The following TLE1 variants were observed in gnomAD, a reference collection of about 807,000 sequenced individuals.
TLE1 encodes TLE family member 1, transcriptional corepressor, also known as transducin-like enhancer protein 1.
Under a neutral mutation model 89.8 loss-of-function variants are expected in TLE1, and 21 were observed. The ratio of observed to expected loss-of-function variants is 0.23; its 90% CI spans 0.17 to 0.34. TLE1 has a LOEUF of 0.34. TLE1 is among the 10% of genes least tolerant of loss of function. The probability of loss-of-function intolerance (pLI) is 1.00; values close to 1 mark genes in which losing one functional copy is unlikely to be tolerated. For synonymous variants in TLE1, 447 were observed against 407.6 expected, an observed-to-expected ratio of 1.10 and a Z score of -1.16; for missense variants, 795 against 1,031.2, an observed-to-expected ratio of 0.77 and a Z score of 3.14.
intron 13 of TLE1, 115 bp downstream of exon 13, chr9:81,611,653 TG>T: frequency 9.6e-7 from 1 of 1,039,754 alleles, no homozygotes; most frequent in Non-Finnish European, 1.3e-6. Flanking sequence ...CCGAGGTGTG[TG>T]GGGCTGGCTG....
chr9:81,620,589 T>G lies in TLE1; in HGVS notation c.595-32A>C, dbSNP rs111873502. ...GACAAAAAAATTAATCAAAGATTTC[T>G]TCCCAAGCCTCTTTGTACACATGAA... On this transcript the variant is annotated intron_variant, in intron 8 of 19. Coordinates refer to ENST00000376499, the MANE Select transcript of TLE1 (RefSeq NM_005077.5). 60 of 1,601,308 alleles carry G rather than the reference T, an allele frequency of 3.7e-5. 1 individual carries two copies. In the African/African-American group the frequency reaches 6.5e-4, roughly 17 times the overall value.
chr9:81,679,870 TTAA>T (rs1358453480), intron 4 of TLE1, among the ~76,000 whole-genome samples: 10 of 152,264 alleles, frequency 6.6e-5, no homozygotes, highest in Non-Finnish European at 1.0e-4. Flanking sequence ...CACAAAAGGT[TTAA>T]TAATAAAACA....
chr9:81,668,167 CGA>C (rs1831735971), intron 4 of TLE1, among the ~76,000 whole-genome samples: 1 of 38,376 alleles, frequency 2.6e-5, no homozygotes, highest in Non-Finnish European at 4.2e-5. Flanking sequence ...GACTGCATCT[CGA>C]AAAAAAAAAA....
At chr9:81,587,044 C>T (rs1828577149) in intron 17 of TLE1, among the ~76,000 whole-genome samples, 1 of 152,100 alleles carries the variant, frequency 6.6e-6, no homozygotes, top group African/African-American at 2.4e-5. Context: ...CTGTTTTTTC[C>T]AAAACAAGTC....
At chr9:81,634,941 C>T (rs1588061180) in intron 6 of TLE1, among the ~76,000 whole-genome samples, 1 of 152,180 alleles carries the variant, frequency 6.6e-6, no homozygotes, top group South Asian at 2.1e-4. Context: ...GTGTCTCATG[C>T]ACCACCCAGG....
At chr9:81,643,379 G>C (rs1011963466) in intron 6 of TLE1, among the ~76,000 whole-genome samples, 3 of 152,024 alleles carry the variant, frequency 2.0e-5, no homozygotes, top group African/African-American at 7.2e-5. Context: ...TGGGGTTACA[G>C]GCATGTGCCA....
At chr9:81,683,314 C>CATA (rs1833855286) in intron 4 of TLE1, among the ~76,000 whole-genome samples, 1 of 151,492 alleles carries the variant, frequency 6.6e-6, no homozygotes, top group Non-Finnish European at 1.5e-5. Flanking sequence ...GGTTATAAGC[C>CATA]ATAAAGCAGG....
rs554876039 is a variant in TLE1 at position 81,622,218 on chromosome 9, C to T, written c.595-1661G>A. On this transcript the variant is annotated intron_variant, in intron 8 of 19. Transcript: ENST00000376499. ...TACACCCCTCCTAGTTTACTTCAGC[C>T]CCGAGGTCTCCTCCTCCAGACTCTG... Among the ~76,000 whole-genome samples the T allele has an allele frequency of 2.0e-5, 3 of 152,292 alleles. No individual in the cohort carries two copies. In the East Asian group the frequency reaches 5.8e-4, roughly 29 times the overall value.
chr9:81,688,559 G>A lies in TLE1; in HGVS notation c.-319C>T. 1 of 306,114 alleles carries A rather than the reference G, an allele frequency of 3.3e-6. No individual in the cohort carries two copies. The highest frequency in any genetic ancestry group is 5.9e-6 in the Non-Finnish European group (1 of 168,670). 19.0% of individuals were successfully genotyped at this position (306,114 alleles called of 1,614,324 possible). ...GGCAGCGCTCCAACCCCCGGCCTCA[G>A]CTGCCCGGGCGGGGAGGCGGGGGCG... On this transcript the variant is annotated 5_prime_UTR_variant, in exon 1 of 20. Transcript: ENST00000376499.
chr9:81,591,194 T>C, intron 15 of TLE1, 142 bp from the exon 16 acceptor site: 4 of 1,168,378 alleles, frequency 3.4e-6, no homozygotes, highest in Non-Finnish European at 3.6e-6. Context: ...CTAGTCAAGA[T>C]TGGGGTCCAA....
chr9:81,682,570 T>A (rs1465259027), intron 4 of TLE1, among the ~76,000 whole-genome samples: 1 of 152,214 alleles, frequency 6.6e-6, no homozygotes, highest in African/African-American at 2.4e-5. Flanking sequence ...TTACAGTACA[T>A]CTTGTTCCCA....
intron 16 of TLE1, 79 bp from the exon 17 acceptor site, chr9:81,587,907 C>CGTGT (rs71496083): frequency 0.036 from 27,115 of 745,622 alleles, 531 homozygotes; most frequent in East Asian, 0.2. Flanking sequence ...AGTTTTGGAC[C>CGTGT]GTGTGTGTGT....
intron 9 of TLE1, among the ~76,000 whole-genome samples, chr9:81,617,602 T>C (rs1824709801): frequency 6.6e-6 from 1 of 152,144 alleles, no homozygotes; most frequent in Admixed American, 6.5e-5. Flanking sequence ...TTCAGGCAGC[T>C]GAGGCACAAG....
Position 81,634,104 on chromosome 9 carries a change from G to A in TLE1, c.570C>T (p.His190=), listed in dbSNP as rs569730611. The change falls in exon 7 of 20, where the codon CAC becomes CAT. Residue 190 remains histidine, a synonymous_variant. Transcript: ENST00000376499. ...GCTTGCCCGGCCTCTCACCTCTGTG[G>A]TGCTCTGCATCGTGGTGCTTCTTGT... The part of the protein sequence containing the change: ...KDDKKHHDAE[H]HRDREPGTSN... The A allele has an allele frequency of 1.9e-6, 3 of 1,607,758 alleles. No individual in the cohort carries two copies. Among genetic ancestry groups the A allele is most frequent in the Non-Finnish European group, 2.5e-6 (3 of 1,176,702 alleles).
At chr9:81,620,109 G>A (rs1442580705) in intron 9 of TLE1, among the ~76,000 whole-genome samples, 1 of 152,068 alleles carries the variant, frequency 6.6e-6, no homozygotes, top group African/African-American at 2.4e-5. Context: ...AAGATGGTGA[G>A]ATCAGAGCAT....
At chr9:81,624,388 C>T (rs1825666060) in intron 8 of TLE1, among the ~76,000 whole-genome samples, 1 of 152,190 alleles carries the variant, frequency 6.6e-6, no homozygotes, top group African/African-American at 2.4e-5. Context: ...CAGGTACACA[C>T]AGGCTTCATG....
intron 11 of TLE1, among the ~76,000 whole-genome samples, chr9:81,613,757 C>T (rs953617091): frequency 2.0e-5 from 3 of 152,068 alleles, no homozygotes; most frequent in East Asian, 1.9e-4. Context: ...CTTCTTCCTC[C>T]GCAGATTTTA....
rs138221961 is a variant in TLE1 at position 81,643,343 on chromosome 9, T to G, written c.372+8871A>C. On this transcript the variant is annotated intron_variant, in intron 6 of 19. Coordinates refer to ENST00000376499, the MANE Select transcript of TLE1 (RefSeq NM_005077.5). The stretch of plus-strand genomic sequence containing the variant: ...CCTCCACCTCCTGGGTTCAAGCGAT[T>G]CTCCTGCCTCAGCCTCCTGAGTAGC... 4.8e-3 allele frequency among the ~76,000 whole-genome samples: 725 copies of G among 152,138 alleles called. 12 individuals are homozygous for G. Among genetic ancestry groups the G allele is most frequent in the African/African-American group, 0.016 (682 of 41,518 alleles).
intron 5 of TLE1, among the ~76,000 whole-genome samples, chr9:81,653,374 A>C (rs755437472): frequency 6.6e-6 from 1 of 152,238 alleles, no homozygotes; most frequent in African/African-American, 2.4e-5. Flanking sequence ...CAAAGCTAAA[A>C]TACAATAGTC....
Sources: allele counts gnomAD v4.1 joint callset (sites outside exome capture counted in the v4.1 genomes callset), GRCh38; gene constraint gnomAD v4.1.1; transcripts MANE v1.5; gene names NCBI Gene and HGNC (gene_info 2026-07-23, HGNC 2026-07-21).